NIPBL: variants seen among roughly 807,000 people sequenced by gnomAD.
The protein encoded by NIPBL is NIPBL cohesin loading factor.
NIPBL carries 19 observed loss-of-function variants against 321.8 expected under a neutral mutation model. That is an observed-to-expected ratio of 0.06 (90% CI 0.04 to 0.09). The LOEUF is 0.09. NIPBL is among the 10% of genes least tolerant of loss of function. The pLI is 1.00. For synonymous variants in NIPBL, 1,106 were observed against 1,114.1 expected (o/e 0.99, Z 0.14); for missense variants, 2,210 against 3,327.0 (o/e 0.66, Z 8.26).
intron 1 of NIPBL, among the ~76,000 whole-genome samples, chr5:36,910,724 G>A (rs1412809503): frequency 6.6e-6 from 1 of 152,068 alleles, no homozygotes; most frequent in Non-Finnish European, 1.5e-5. Flanking sequence ...AAGGTAAAGG[G>A]AGATATAGGA....
chr5:36,996,659 A>G lies in NIPBL; in HGVS notation c.3304+855A>G. 1 of 373,994 alleles carries G rather than the reference A, an allele frequency of 2.7e-6. No homozygotes were observed. The highest frequency in any genetic ancestry group is 2.0e-5 in the South Asian group (1 of 49,704). The allele number at this position is 373,994 out of a possible 1,614,324, so 23.2% of individuals were successfully genotyped here. A position where few individuals can be genotyped will look rare whatever the true frequency, so the allele number is the denominator to read the frequency against. The stretch of plus-strand genomic sequence containing the variant: ...CAAGAGGGGTCAGCAACCTTGTTTG[A>G]CTTAAACGGCATTCAGTGGAAACAG... On this transcript the variant is annotated intron_variant, in intron 11 of 46. Transcript: ENST00000282516. This position sits in a 1 kb window ranked among gnomAD's most constrained non-coding sequence, Gnocchi z 5.0.
Position 37,020,550 on chromosome 5 carries a change from C to T in NIPBL, c.5102C>T (p.Ser1701Phe). ...AAATCACAAAAAGATGAAGAATCAT[C>T]TGAAGGAACACATCATGCAAAGGAA... The part of the protein sequence containing the change: ...AMKSQKDEES[S>F]EGTHHAKEIE... The change falls in exon 26 of 47, where the codon TCT becomes TTT. Residue 1701 changes from serine to phenylalanine, a missense_variant. Physicochemically the swap from Ser to Phe is radical, Grantham distance 155 (BLOSUM62 -2). This residue lies in a region of NIPBL where 138 missense variants were observed against 175.8 expected (regional missense o/e 0.79). Transcript: ENST00000282516. The T allele has an allele frequency of 6.2e-7, 1 of 1,613,898 alleles. No homozygotes were observed. Among genetic ancestry groups the T allele is most frequent in the Non-Finnish European group, 8.5e-7 (1 of 1,179,864 alleles).
intron 44 of NIPBL, among the ~76,000 whole-genome samples, chr5:37,060,049 G>A (rs941453637): frequency 1.3e-5 from 2 of 151,860 alleles, no homozygotes; most frequent in African/African-American, 4.8e-5. Context: ...AGAGTGTGTT[G>A]CATGTAAAGA....
intron 1 of NIPBL, among the ~76,000 whole-genome samples, chr5:36,948,351 T>C (rs1435660782): frequency 6.6e-6 from 1 of 151,982 alleles, no homozygotes; most frequent in African/African-American, 2.4e-5. Context: ...TGAACTGTTA[T>C]GTAACCTGAT....
rs1317426438 is a variant in NIPBL, at chr5:37,024,706, A to G, written c.5696A>G (p.Glu1899Gly). Residue 1899 changes from glutamate (E) to glycine (G), a missense_variant, in exon 30 of 47, where the codon GAA becomes GGA. This residue lies in a region of NIPBL where 49 missense variants were observed against 163.6 expected (regional missense o/e 0.30). Coordinates refer to ENST00000282516, the MANE Select transcript of NIPBL (RefSeq NM_133433.4). The part of the protein sequence containing the change: ...CVKMIRRVND[E>G]EGIKKLVNET... ...AAAATGATTCGCAGAGTCAATGATG[A>G]AGAGGGCATTAAGGTAGTGTTGACT... The G allele has an allele frequency of 6.2e-7, 1 of 1,612,094 alleles. No homozygotes were observed.
rs765379536 is a variant in NIPBL, at chr5:37,020,803, G to A, written c.5254G>A (p.Asp1752Asn). Reference sequence around the variant, plus strand: ...GAACTCTGATACTGTGGACTATGATGATGCTTGCTTGATTGTTCGATACTT... The same window carrying A: ...GAACTCTGATACTGTGGACTATGATAATGCTTGCTTGATTGTTCGATACTT... ...KMNSDTVDYDDACLIVRYLAS... is the reference protein window; with the variant it reads ...KMNSDTVDYDNACLIVRYLAS... The change falls in exon 27 of 47, where the codon GAT (aspartate) becomes AAT (asparagine). Residue 1752 changes from aspartate to asparagine, a missense_variant. By Grantham distance (23) the Asp-to-Asn change is conservative (BLOSUM62 1). Coordinates refer to ENST00000282516, the MANE Select transcript of NIPBL (RefSeq NM_133433.4). The A allele has an allele frequency of 1.9e-6, 3 of 1,614,124 alleles. No individual in the cohort carries two copies. Among genetic ancestry groups the A allele is most frequent in the Non-Finnish European group, 2.5e-6 (3 of 1,179,996 alleles).
At chr5:36,899,718 G>T (rs1172589849) in intron 1 of NIPBL, among the ~76,000 whole-genome samples, 1 of 152,092 alleles carries the variant, frequency 6.6e-6, no homozygotes, top group African/African-American at 2.4e-5. Flanking sequence ...TTGAGTTGGT[G>T]AATATTACTT....
chr5:37,044,269 G>GC, intron 34 of NIPBL, 78 bp from the exon 35 acceptor site: 1 of 1,318,444 alleles, frequency 7.6e-7, no homozygotes, highest in Non-Finnish European at 1.1e-6. Context: ...CCCTATTTCT[G>GC]CCCCCAAATA....
chr5:36,924,695 A>G (rs1429223903), intron 1 of NIPBL, among the ~76,000 whole-genome samples: 1 of 152,224 alleles, frequency 6.6e-6, no homozygotes, highest in Non-Finnish European at 1.5e-5. Flanking sequence ...AGTAATGTAC[A>G]TAGCTGACAC....
chr5:36,890,149 A>G (rs986280664), intron 1 of NIPBL, among the ~76,000 whole-genome samples: 3 of 152,140 alleles, frequency 2.0e-5, no homozygotes, highest in Non-Finnish European at 4.4e-5. Context: ...GTATTTTGTC[A>G]GTGGATGAAC....
At position 36,996,577 on chromosome 5, in the gene NIPBL, A is replaced by C; in HGVS notation, c.3304+773A>C. 2.2e-6 allele frequency: 1 copy of C among 454,950 alleles called. No individual in the cohort carries two copies. The highest frequency in any genetic ancestry group is 4.4e-6 in the Non-Finnish European group (1 of 226,034). The allele number at this position is 454,950 out of a possible 1,614,324, so 28.2% of individuals were successfully genotyped here. ...TGTCTTCCTACTGGTCCACTGAAAA[A>C]GTTCTTCTCTTTTATCCCTATCTTC... On this transcript the variant is annotated intron_variant, in intron 11 of 46. Coordinates refer to ENST00000282516, the MANE Select transcript of NIPBL (RefSeq NM_133433.4). The surrounding 1 kb of genome is among the most constrained non-coding windows in gnomAD (Gnocchi z 5.0).
intron 32 of NIPBL, among the ~76,000 whole-genome samples, chr5:37,035,114 C>T (rs1206853398): frequency 6.6e-6 from 1 of 152,200 alleles, no homozygotes; most frequent in Non-Finnish European, 1.5e-5. Context: ...ACATAGAGAA[C>T]CCCATCTCTA....
chr5:36,908,262 A>T (rs1747792197), intron 1 of NIPBL, among the ~76,000 whole-genome samples: 1 of 152,172 alleles, frequency 6.6e-6, no homozygotes, highest in African/African-American at 2.4e-5. Context: ...GTTTGCTTAA[A>T]CATTCTTTAA....
chr5:36,885,139 C>T, intron 1 of NIPBL: 1 of 439,142 alleles, frequency 2.3e-6, no homozygotes, highest in Non-Finnish European at 4.5e-6. Context: ...CGTTACAGCA[C>T]ATAAAAAATG....
At chr5:36,920,901 T>G (rs1748887701) in intron 1 of NIPBL, among the ~76,000 whole-genome samples, 1 of 152,004 alleles carries the variant, frequency 6.6e-6, no homozygotes, top group South Asian at 2.1e-4. Context: ...AGTTGTCACT[T>G]TCTTCTACAT....
intron 1 of NIPBL, among the ~76,000 whole-genome samples, chr5:36,913,026 A>G (rs1274971888): frequency 6.6e-6 from 1 of 152,220 alleles, no homozygotes; most frequent in African/African-American, 2.4e-5. Context: ...TATTAAAAAT[A>G]TAGGTTGTGG....
At chr5:37,028,130 G>T (rs1019999084) in intron 32 of NIPBL, among the ~76,000 whole-genome samples, 5 of 151,872 alleles carry the variant, frequency 3.3e-5, no homozygotes, top group Non-Finnish European at 1.5e-5. Flanking sequence ...ACCACAACTA[G>T]TGGGTTTTTT....
intron 34 of NIPBL, among the ~76,000 whole-genome samples, chr5:37,043,615 G>A (rs1268711243): frequency 7.2e-5 from 11 of 151,874 alleles, no homozygotes; most frequent in Non-Finnish European, 1.3e-4. Flanking sequence ...CAGGAAAATC[G>A]CTCAAGCTCA....
chr5:36,978,078 T>G (rs1424078451), intron 9 of NIPBL, among the ~76,000 whole-genome samples: 5 of 152,058 alleles, frequency 3.3e-5, no homozygotes, highest in Non-Finnish European at 7.4e-5. Flanking sequence ...TGAGTGCAGG[T>G]GTCTTTTTTA....
Sources: allele counts gnomAD v4.1 joint callset (sites outside exome capture counted in the v4.1 genomes callset), GRCh38; gene constraint gnomAD v4.1.1; regional missense constraint gnomAD v4.1.1; non-coding constraint Gnocchi (gnomAD v3.1); transcripts MANE v1.5; gene names NCBI Gene and HGNC (gene_info 2026-07-23, HGNC 2026-07-21).